MGAM2: variants seen among roughly 807,000 people sequenced by gnomAD.
MGAM2 encodes probable maltase-glucoamylase 2.
A neutral mutation model predicts 96.1 loss-of-function variants in MGAM2; 98 were observed. That is an observed-to-expected ratio of 1.02 (90% CI 0.87 to 1.21). The LOEUF is 1.21. Among genes scored for constraint, MGAM2 ranks in the 50% most tolerant of loss-of-function variants. The pLI is 0.00. For missense variants in MGAM2, 2,055 were observed against 1,182.4 expected (o/e 1.74, Z -10.82); for synonymous variants, 749 against 414.8 (o/e 1.81, Z -9.79).
At chr7:142,193,031 C>T (rs184461873) in intron 37 of MGAM2, among the ~76,000 whole-genome samples, 6 of 152,150 alleles carry the variant, frequency 3.9e-5, no homozygotes, top group African/African-American at 1.4e-4. Context: ...TTTGAAAATG[C>T]CCCAGTTGTT....
At chr7:142,199,263 G>C (rs906176996) in intron 44 of MGAM2, among the ~76,000 whole-genome samples, 10 of 152,116 alleles carry the variant, frequency 6.6e-5, no homozygotes, top group African/African-American at 2.4e-4. Context: ...ATCAAGAAAG[G>C]CACATAATAA....
At chr7:142,185,010 C>A in intron 33 of MGAM2, 67 bp from the exon 34 acceptor site, 2 of 686,988 alleles carry the variant, frequency 2.9e-6, no homozygotes. Flanking sequence ...GAGTCTAACA[C>A]ATGAAATATC....
intron 6 of MGAM2, among the ~76,000 whole-genome samples, chr7:142,133,556 G>A (rs900223213): frequency 4.0e-5 from 6 of 151,842 alleles, no homozygotes; most frequent in Non-Finnish European, 7.4e-5. Flanking sequence ...TTCACATCCC[G>A]GTACCAGCAG....
chr7:142,197,452 T>G lies in MGAM2; in HGVS notation c.4685T>G (p.Val1562Gly), dbSNP rs971930691. ...NSTFEMLSRK[V>G]LETRYTLLPY... is the part of the protein sequence containing the mutation. ...ACCTTTGAGATGTTGTCCAGAAAAG[T>G]CCTAGAGACCAGATATACCCTGCTT... is the stretch of plus-strand genomic sequence containing the variant. The change falls in exon 41 of 48, where the codon GTC (valine) becomes GGC (glycine). Residue 1562 changes from valine to glycine, a missense_variant. Val to Gly is a moderately radical substitution (Grantham distance 109). Transcript: ENST00000477922. 4.3e-6 allele frequency: 3 copies of G among 702,880 alleles called. No homozygotes were observed. Among genetic ancestry groups the G allele is most frequent in the Non-Finnish European group, 7.8e-6 (3 of 385,016 alleles). 43.5% of individuals were successfully genotyped at this position (702,880 alleles called of 1,614,324 possible). A position where few individuals can be genotyped will look rare whatever the true frequency, so the allele number is the denominator to read the frequency against.
chr7:142,193,352 G>A (rs1796930531), intron 37 of MGAM2, among the ~76,000 whole-genome samples: 1 of 152,056 alleles, frequency 6.6e-6, no homozygotes, highest in African/African-American at 2.4e-5. Context: ...TACATTTTAA[G>A]TTATTTCCTC....
chr7:142,152,740 G>A (rs1421738538), intron 15 of MGAM2, among the ~76,000 whole-genome samples: 2 of 152,172 alleles, frequency 1.3e-5, no homozygotes, highest in Non-Finnish European at 2.9e-5. Flanking sequence ...CGTGGCTCAG[G>A]TCTTACTGTC....
chr7:142,171,718 T>G (rs1796200807), intron 28 of MGAM2, among the ~76,000 whole-genome samples: 1 of 143,654 alleles, frequency 7.0e-6, no homozygotes, highest in Non-Finnish European at 1.5e-5. Context: ...TTTATTTATC[T>G]CACAAACTTT....
intron 16 of MGAM2, 44 bp from the exon 17 acceptor site, chr7:142,154,685 G>A (rs750147902): frequency 3.0e-5 from 21 of 696,646 alleles, no homozygotes; most frequent in South Asian, 8.9e-5. Context: ...ACATGCTTTC[G>A]CCTCTCATTG....
At chr7:142,213,738 A>G (rs543880293) in intron 46 of MGAM2, among the ~76,000 whole-genome samples, 1 of 152,338 alleles carries the variant, frequency 6.6e-6, no homozygotes, top group African/African-American at 2.4e-5. Context: ...GAATTCTACC[A>G]GAAGTACAAA....
intron 3 of MGAM2, among the ~76,000 whole-genome samples, chr7:142,125,645 G>A (rs76317864): frequency 1.3e-5 from 2 of 152,198 alleles, no homozygotes; most frequent in Non-Finnish European, 2.9e-5. Flanking sequence ...TATTTAAAAA[G>A]ATTGTATGGT....
chr7:142,131,783 T>C (rs1188918717), intron 5 of MGAM2, 148 bp from the exon 6 acceptor site: 14 of 611,904 alleles, frequency 2.3e-5, no homozygotes, highest in Non-Finnish European at 3.5e-5. Flanking sequence ...GCACATGTAA[T>C]TGGGTGATTT....
Position 142,219,867 on chromosome 7 carries a change from C to A in MGAM2, c.5359-3C>A. On this transcript the variant is annotated splice_polypyrimidine_tract_variant and splice_region_variant and intron_variant, in intron 47 of 47. Transcript: ENST00000477922. ...CCCATTTATATCTCTTCTTTTCTGGCAGATACTAACTATTCAATTGACTGA... is the reference window on the plus strand; with the variant it reads ...CCCATTTATATCTCTTCTTTTCTGGAAGATACTAACTATTCAATTGACTGA... 2 of 691,974 alleles carry A rather than the reference C, an allele frequency of 2.9e-6. No homozygotes were observed. The highest frequency in any genetic ancestry group is 1.5e-5 in the South Asian group (1 of 66,042). The allele number at this position is 691,974 out of a possible 1,614,324, so 42.9% of individuals were successfully genotyped here. A position where few individuals can be genotyped will look rare whatever the true frequency, so the allele number is the denominator to read the frequency against.
intron 46 of MGAM2, among the ~76,000 whole-genome samples, chr7:142,218,036 A>G (rs1209370181): frequency 6.6e-6 from 1 of 152,142 alleles, no homozygotes; most frequent in Non-Finnish European, 1.5e-5. Flanking sequence ...GTGAGCCCAG[A>G]CCACGCCATT....
chr7:142,147,892 G>A (rs1432925770), intron 15 of MGAM2, among the ~76,000 whole-genome samples: 1 of 120,630 alleles, frequency 8.3e-6, no homozygotes, highest in Non-Finnish European at 1.9e-5. Context: ...AGGATTGCTT[G>A]ATTTTAGCAA....
At chr7:142,152,136 A>G (rs965930765) in intron 15 of MGAM2, among the ~76,000 whole-genome samples, 1 of 151,448 alleles carries the variant, frequency 6.6e-6, no homozygotes, top group Non-Finnish European at 1.5e-5. Flanking sequence ...CAGAAAATAC[A>G]AAGCCTCTGA....
chr7:142,189,523 AC>A lies in MGAM2; in HGVS notation c.4346+19del. ...ACATACGAGTGAGTGTCTTTTTGTC[AC>A]AGCAGCAAAGATAATTTTCCACATC... On this transcript the variant is annotated intron_variant, in intron 37 of 47. Coordinates refer to ENST00000477922, the MANE Select transcript of MGAM2 (RefSeq NM_001293626.2). 1.4e-6 allele frequency: 1 copy of A among 720,744 alleles called. No homozygotes were observed. Among genetic ancestry groups the A allele is most frequent in the Non-Finnish European group, 2.4e-6 (1 of 412,200 alleles). 44.6% of individuals were successfully genotyped at this position (720,744 alleles called of 1,614,324 possible).
At chr7:142,172,603 C>T in intron 29 of MGAM2, 49 bp from the exon 30 acceptor site, 2 of 639,368 alleles carry the variant, frequency 3.1e-6, no homozygotes, top group Non-Finnish European at 5.6e-6. Context: ...TCTATCTGGG[C>T]AATTTACAAC....
chr7:142,135,750 A>ACACACACACACG (rs1795039712), intron 7 of MGAM2, among the ~76,000 whole-genome samples: 1 of 151,826 alleles, frequency 6.6e-6, no homozygotes, highest in African/African-American at 2.4e-5. Context: ...ACACACACAC[A>ACACACACACACG]CACATTATCT....
chr7:142,205,280 C>T (rs567482174), intron 45 of MGAM2, among the ~76,000 whole-genome samples: 1 of 152,096 alleles, frequency 6.6e-6, no homozygotes, highest in East Asian at 1.9e-4. Flanking sequence ...AATATAAGTC[C>T]TTGAATAGAC....
Sources: gnomAD v4.1 joint callset for allele counts (sites outside exome capture counted in the v4.1 genomes callset) on GRCh38, gnomAD v4.1.1 for gene constraint, MANE v1.5 for transcripts, NCBI Gene and HGNC (gene_info 2026-07-23, HGNC 2026-07-21) for gene names.